The following NAALADL2 variants were observed in gnomAD, a reference collection of about 807,000 sequenced individuals.
NAALADL2 encodes the protein N-acetylated alpha-linked acidic dipeptidase like 2.
Under a neutral mutation model 87.2 loss-of-function variants are expected in NAALADL2, and 76 were observed. The ratio of observed to expected loss-of-function variants is 0.87; its 90% CI spans 0.72 to 1.05. The LOEUF is 1.05. Among genes scored for constraint, NAALADL2 ranks in the 50% least tolerant of loss-of-function variants. The pLI is 0.00. For missense variants in NAALADL2, 1,089 were observed against 945.8 expected (o/e 1.15, Z -1.99); for synonymous variants, 354 against 331.0 (o/e 1.07, Z -0.75).
chr3:174,748,212 C>T (rs934707685), intron 3 of NAALADL2, among the ~76,000 whole-genome samples: 3 of 151,956 alleles, frequency 2.0e-5, no homozygotes, highest in African/African-American at 7.3e-5. Flanking sequence ...ACATACAGGG[C>T]ATAATACCTA....
At chr3:175,496,707 C>T (rs1728859551) in intron 9 of NAALADL2, among the ~76,000 whole-genome samples, 1 of 152,140 alleles carries the variant, frequency 6.6e-6, no homozygotes, top group Middle Eastern at 3.4e-3. Flanking sequence ...ATGCATGCCA[C>T]TACACCCAGC....
intron 13 of NAALADL2, among the ~76,000 whole-genome samples, chr3:175,761,445 A>G (rs546037959): frequency 1.5e-4 from 23 of 152,340 alleles, no homozygotes; most frequent in African/African-American, 5.3e-4. Context: ...GCAGTTGTGA[A>G]TAAAGCTGCT....
At chr3:175,294,528 G>A (rs1393610037) in intron 4 of NAALADL2, among the ~76,000 whole-genome samples, 4 of 152,158 alleles carry the variant, frequency 2.6e-5, no homozygotes, top group Admixed American at 6.5e-5. Flanking sequence ...GACATTAGCA[G>A]TCACCTAAAG....
intron 1 of NAALADL2, among the ~76,000 whole-genome samples, chr3:174,904,037 ATATC>A (rs1732659954): frequency 6.6e-6 from 1 of 151,544 alleles, no homozygotes; most frequent in Non-Finnish European, 1.5e-5. Context: ...TTCTAGATAT[ATATC>A]TATATCTCTG....
At chr3:175,389,054 A>G (rs965970594) in intron 5 of NAALADL2, among the ~76,000 whole-genome samples, 4 of 152,136 alleles carry the variant, frequency 2.6e-5, no homozygotes, top group African/African-American at 9.7e-5. Context: ...AACACACTCA[A>G]TAAAATGCTT....
intron 2 of NAALADL2, among the ~76,000 whole-genome samples, chr3:174,557,602 C>G (rs764718469): frequency 1.3e-5 from 2 of 152,092 alleles, no homozygotes; most frequent in Non-Finnish European, 2.9e-5. Context: ...GTTTGTTAAT[C>G]TGCTCATGGA....
chr3:175,243,345 C>CACAT (rs386356511), intron 3 of NAALADL2, among the ~76,000 whole-genome samples: 1 of 149,242 alleles, frequency 6.7e-6, no homozygotes, highest in East Asian at 2.0e-4. Flanking sequence ...CACACACACA[C>CACAT]GCACGCACAC....
rs368734172 is a variant in NAALADL2 at position 175,080,903 on chromosome 3, A to G, written c.44-15887A>G. Reference sequence around the variant, plus strand: ...AAATATAAGATTGAATTTTGCCTTTAGAAAGATCTCTTTGGAGTTAGTGTC... The same window carrying G: ...AAATATAAGATTGAATTTTGCCTTTGGAAAGATCTCTTTGGAGTTAGTGTC... On this transcript the variant is annotated intron_variant, in intron 1 of 13. Transcript: ENST00000454872. Among the ~76,000 whole-genome samples, 5 of 152,346 alleles carry G rather than the reference A, an allele frequency of 3.3e-5. No individual in the cohort carries two copies. In the East Asian group the frequency reaches 9.6e-4, roughly 29 times the overall value.
chr3:174,579,025 G>T (rs970181937), intron 2 of NAALADL2, among the ~76,000 whole-genome samples: 1 of 152,002 alleles, frequency 6.6e-6, no homozygotes, highest in Non-Finnish European at 1.5e-5. Context: ...TCAATTGTCA[G>T]GGAAATAAGA....
intron 11 of NAALADL2, among the ~76,000 whole-genome samples, chr3:175,631,399 G>A (rs1727741842): frequency 6.6e-6 from 1 of 150,726 alleles, no homozygotes; most frequent in Non-Finnish European, 1.5e-5. Flanking sequence ...TCATACATGG[G>A]ATGTGAACTG....
intron 2 of NAALADL2, among the ~76,000 whole-genome samples, chr3:175,220,788 T>C (rs928470617): frequency 6.6e-5 from 10 of 152,222 alleles, no homozygotes; most frequent in Admixed American, 2.0e-4. Context: ...AGATCGTTTA[T>C]CTTTTTCTTT....
intron 1 of NAALADL2, among the ~76,000 whole-genome samples, chr3:174,498,022 T>C (rs1240952319): frequency 1.3e-5 from 2 of 152,122 alleles, no homozygotes; most frequent in Admixed American, 1.3e-4. Flanking sequence ...TTTTCAATTT[T>C]TAACAGCTTT....
At chr3:174,638,829 T>C (rs1391523559) in intron 2 of NAALADL2, among the ~76,000 whole-genome samples, 1 of 152,256 alleles carries the variant, frequency 6.6e-6, no homozygotes, top group Non-Finnish European at 1.5e-5. Flanking sequence ...TGTTTTTCAC[T>C]ATTTTATAGC....
intron 11 of NAALADL2, among the ~76,000 whole-genome samples, chr3:175,672,597 A>C (rs904369459): frequency 2.8e-4 from 43 of 152,320 alleles, no homozygotes; most frequent in Non-Finnish European, 4.3e-4. Context: ...TGAGCTAGCA[A>C]TAGAAGAAGC....
At chr3:174,825,101 A>C (rs1721838223) in intron 3 of NAALADL2, among the ~76,000 whole-genome samples, 1 of 152,198 alleles carries the variant, frequency 6.6e-6, no homozygotes, top group Non-Finnish European at 1.5e-5. Flanking sequence ...ATTTTCCAGA[A>C]AAATAGAACC....
In NAALADL2 at chr3:174,694,029, C is replaced by A. The variant is rs559385266; in HGVS notation, c.-114-43612C>A. 6.6e-5 allele frequency among the ~76,000 whole-genome samples: 10 copies of A among 152,250 alleles called. No homozygotes were observed. The South Asian group carries it at 2.1e-3, about 32-fold the overall frequency. On this transcript the variant is annotated intron_variant, in intron 2 of 3. Transcript: ENST00000434257. ...TATATTCTTTTCTACTAGTGTCTTT[C>A]TTTCCACAAGTCTTACATACACCTC... is the stretch of plus-strand genomic sequence containing the variant.
chr3:174,889,083 G>A (rs914030863), intron 1 of NAALADL2, among the ~76,000 whole-genome samples: 2 of 152,090 alleles, frequency 1.3e-5, no homozygotes, highest in Non-Finnish European at 2.9e-5. Flanking sequence ...ACAGTGACTC[G>A]TGCCTTATTG....
intron 2 of NAALADL2, among the ~76,000 whole-genome samples, chr3:175,223,094 CTGTGTG>C (rs71626203): frequency 0.039 from 5,813 of 147,514 alleles, 117 homozygotes; most frequent in Middle Eastern, 0.053. Flanking sequence ...CATAGTTACT[CTGTGTG>C]TGTGTGTGTG....
At chr3:175,753,121 T>G (rs1473039165) in intron 12 of NAALADL2, among the ~76,000 whole-genome samples, 2 of 152,282 alleles carry the variant, frequency 1.3e-5, no homozygotes, top group Middle Eastern at 6.8e-3. Context: ...GAATCTGAAA[T>G]GCACTTTGAA....
Sources: gnomAD v4.1 joint callset for allele counts (sites outside exome capture counted in the v4.1 genomes callset) on GRCh38, gnomAD v4.1.1 for gene constraint, MANE v1.5 for transcripts, NCBI Gene and HGNC (gene_info 2026-07-23, HGNC 2026-07-21) for gene names.